Variants in MATK observed in about 807,000 individuals in gnomAD.
MATK encodes the protein megakaryocyte-associated tyrosine kinase.
Under a neutral mutation model 59.8 loss-of-function variants are expected in MATK, and 41 were observed. That is an observed-to-expected ratio of 0.69 (90% confidence interval 0.53 to 0.89). The LOEUF is 0.89. Ranked by LOEUF, MATK falls within the 40% of genes least tolerant of loss-of-function variation. The probability of loss-of-function intolerance (pLI) is 0.00; values close to 1 mark genes in which losing one functional copy is unlikely to be tolerated. For synonymous variants in MATK, 308 were observed against 306.1 expected (o/e 1.01, Z -0.06); for missense variants, 593 against 719.6 (o/e 0.82, Z 2.01).
intron 1 of MATK, among the ~76,000 whole-genome samples, chr19:3,798,802 G>A (rs533029909): frequency 2.6e-5 from 4 of 151,444 alleles, no homozygotes; most frequent in African/African-American, 2.4e-5. Context: ...GTGAGCCACC[G>A]TGCCCGGCCT....
intron 1 of MATK, chr19:3,793,102 A>G (rs571345623): frequency 6.6e-6 from 1 of 152,374 alleles, no homozygotes; most frequent in Admixed American, 6.5e-5. Flanking sequence ...CTGCCCGGCC[A>G]TTCTCGATTC....
At chr19:3,780,245 A>C (rs2037380737) in intron 8 of MATK, among the ~76,000 whole-genome samples, 1 of 151,522 alleles carries the variant, frequency 6.6e-6, no homozygotes, top group African/African-American at 2.4e-5. Flanking sequence ...GTGCCATTGC[A>C]CTCCAGCCTG....
At chr19:3,798,364 G>A (rs2037614116) in intron 1 of MATK, among the ~76,000 whole-genome samples, 2 of 149,996 alleles carry the variant, frequency 1.3e-5, no homozygotes, top group African/African-American at 4.9e-5. Flanking sequence ...CTGTGGGGTG[G>A]TTGGCGGGTG....
rs148725947 is a variant in MATK, at chr19:3,800,891, C to T, written c.-58+641G>A. On this transcript the variant is annotated intron_variant, in intron 1 of 13. Coordinates refer to the MATK transcript ENST00000395045. ...TTTATGTATTTTTGAGACAGAGTGT[C>T]GCTCTGTCATCCACGCTGGAGTGCA... Among the ~76,000 whole-genome samples the T allele has an allele frequency of 9.0e-3, 1,366 of 152,156 alleles. 20 individuals carry two copies. The highest frequency in any genetic ancestry group is 0.031 in the African/African-American group (1,307 of 41,528).
At chr19:3,799,837 T>C (rs1332034404) in intron 1 of MATK, among the ~76,000 whole-genome samples, 2 of 143,694 alleles carry the variant, frequency 1.4e-5, no homozygotes, top group Non-Finnish European at 3.0e-5. Flanking sequence ...CGAGACCTTG[T>C]CTCAAAGAAA....
In MATK at chr19:3,785,136, C is replaced by T. The variant is rs141024639; in HGVS notation, c.-1G>A. On this transcript the variant is annotated 5_prime_UTR_variant, in exon 2 of 14. Coordinates refer to ENST00000310132, the MANE Select transcript of MATK (RefSeq NM_139355.3). ...AAACCAGAGAGCCTCGCCCCGCCAT[C>T]GCCCCCAGAGGGAAACTGAGGCAGG... 5.3e-3 allele frequency: 8,570 copies of T among 1,614,062 alleles called. 30 individuals are homozygous for T. Among genetic ancestry groups the T allele is most frequent in the Admixed American group, 8.3e-3 (497 of 60,022 alleles).
rs1240196330 is a variant in MATK at position 3,778,981 on chromosome 19, G to T, written c.1197+11C>A. ...CCCAAAGCCCCAGGGGTATGTGAAG[G>T]CAGGGCTCACCCCGTGTTTGAGAGC... On this transcript the variant is annotated intron_variant, in intron 12 of 13. Transcript: ENST00000310132. The T allele has an allele frequency of 1.3e-6, 2 of 1,537,322 alleles. No individual in the cohort carries two copies. The highest frequency in any genetic ancestry group is 8.7e-7 in the Non-Finnish European group (1 of 1,147,366).
At chr19:3,784,929 C>A in intron 2 of MATK, 45 bp from the exon 3 acceptor site, 2 of 1,429,512 alleles carry the variant, frequency 1.4e-6, no homozygotes, top group South Asian at 2.4e-5. Flanking sequence ...CTGGGACCCA[C>A]GGTCCAGTTC....
rs1470548137 is a variant in MATK at position 3,783,924 on chromosome 19, G to A, written c.472C>T (p.Leu158=). Reference sequence around the variant, plus strand: ...ACGTCGCGGCCAAAGCTCACGCACAGGACGTAGTCGCCGGGGTGGCGCGCG... The same window carrying A: ...ACGTCGCGGCCAAAGCTCACGCACAAGACGTAGTCGCCGGGGTGGCGCGCG... ...ESARHPGDYV[L]CVSFGRDVIH... Residue 158 remains leucine (L), a synonymous_variant, in exon 6 of 14, where the codon CTG becomes TTG. Transcript: ENST00000310132. 1 of 1,612,726 alleles carries A rather than the reference G, an allele frequency of 6.2e-7. No individual in the cohort carries two copies. The highest frequency in any genetic ancestry group is 1.3e-5 in the African/African-American group (1 of 74,910).
chr19:3,799,287 CAT>C (rs1434063798), intron 1 of MATK, among the ~76,000 whole-genome samples: 1 of 152,138 alleles, frequency 6.6e-6, no homozygotes, highest in Non-Finnish European at 1.5e-5. Context: ...AAGGCGGTAA[CAT>C]GAGCTGTCCC....
intron 8 of MATK, among the ~76,000 whole-genome samples, chr19:3,780,501 C>T (rs1286931872): frequency 2.0e-5 from 3 of 151,636 alleles, no homozygotes; most frequent in Non-Finnish European, 2.9e-5. Context: ...CATCTCTGCT[C>T]ACTGCAAGCT....
chr19:3,785,283 T>A lies in MATK; in HGVS notation c.-148A>T, dbSNP rs1295114455. On this transcript the variant is annotated 5_prime_UTR_variant, in exon 2 of 14. Coordinates refer to ENST00000310132, the MANE Select transcript of MATK (RefSeq NM_139355.3). ...ACTGGACCGAGCCTGGTTCTTCCTG[T>A]TTTCTGGTTGGTAGGCAGGGGCAGG... is the stretch of plus-strand genomic sequence containing the variant. The A allele has an allele frequency of 1.3e-6, 2 of 1,500,886 alleles. No individual in the cohort carries two copies. The highest frequency in any genetic ancestry group is 2.1e-4 in the Middle Eastern group (1 of 4,702). 93.0% of individuals were successfully genotyped at this position (1,500,886 alleles called of 1,614,324 possible). A position where few individuals can be genotyped will look rare whatever the true frequency, so the allele number is the denominator to read the frequency against.
Position 3,779,544 on chromosome 19 carries a change from G to A in MATK, c.916C>T (p.His306Tyr), listed in dbSNP as rs1444328010. ...GGGCCCCGCCCCACCTTGCTCACGT[G>A]CTCCATGACAATGTACAGCCCCTGG... ...LHQGLYIVME[H>Y]VSKGNLVNFL... The change falls in exon 10 of 14, where the codon CAC becomes TAC. Residue 306 changes from histidine to tyrosine, a missense_variant. By Grantham distance (83) the His-to-Tyr change is moderately conservative (BLOSUM62 2). Coordinates refer to ENST00000310132, the MANE Select transcript of MATK (RefSeq NM_139355.3). 1 of 1,611,664 alleles carries A rather than the reference G, an allele frequency of 6.2e-7. No individual in the cohort carries two copies. Among genetic ancestry groups the A allele is most frequent in the South Asian group, 1.1e-5 (1 of 90,970 alleles).
chr19:3,789,723 T>C (rs2037522540), upstream of MATK, among the ~76,000 whole-genome samples: 1 of 38,184 alleles, frequency 2.6e-5, no homozygotes, highest in Admixed American at 1.9e-4. Context: ...CAACTTTGCT[T>C]TTTTTTTTTT....
chr19:3,783,360 G>A, intron 6 of MATK, 141 bp from the exon 7 acceptor site: 1 of 677,796 alleles, frequency 1.5e-6, no homozygotes, highest in Admixed American at 2.2e-5. Flanking sequence ...AACGGGAAAG[G>A]AGGCAAGCCA....
chr19:3,793,499 C>T (rs868195640), intron 1 of MATK: 1 of 152,076 alleles, frequency 6.6e-6, no homozygotes, highest in Non-Finnish European at 1.5e-5. Flanking sequence ...GTCAGGAGAT[C>T]GAGATCATTC....
intron 1 of MATK, among the ~76,000 whole-genome samples, chr19:3,800,290 G>C (rs1182248509): frequency 6.6e-6 from 1 of 152,180 alleles, no homozygotes; most frequent in Non-Finnish European, 1.5e-5. Context: ...CAGGAAGCAA[G>C]ATGGTAAAAA....
rs746238245 is a variant in MATK, at chr19:3,778,390, C to T, written c.1317G>A (p.Lys439=). The change falls in exon 14 of 14, where the codon AAG becomes AAA. Residue 439 remains lysine, a synonymous_variant. Transcript: ENST00000310132. The part of the protein sequence containing the change: ...SLKEVSEAVE[K]GYRMEPPEGC... ...CCTCGGGGGGTTCCATGCGGTACCC[C>T]TTCTCCACGGCCTCCGACACCTCTT... 127 of 1,611,972 alleles carry T rather than the reference C, an allele frequency of 7.9e-5. No individual in the cohort carries two copies. Among genetic ancestry groups the T allele is most frequent in the Non-Finnish European group, 1.1e-4 (126 of 1,179,496 alleles).
intron 8 of MATK, among the ~76,000 whole-genome samples, chr19:3,780,019 G>A (rs1038755211): frequency 8.5e-5 from 13 of 152,332 alleles, no homozygotes; most frequent in African/African-American, 2.6e-4. Context: ...GGTGGCTCAC[G>A]CCTGTAATCC....
Sources: gnomAD v4.1 joint callset for allele counts (sites outside exome capture counted in the v4.1 genomes callset) on GRCh38, gnomAD v4.1.1 for gene constraint, MANE v1.5 for transcripts, NCBI Gene and HGNC (gene_info 2026-07-23, HGNC 2026-07-21) for gene names.